Variants in DCAF15 observed in about 807,000 individuals in gnomAD.
The protein encoded by DCAF15 is DDB1- and CUL4-associated factor 15.
A neutral mutation model predicts 68.0 loss-of-function variants in DCAF15; 24 were observed. That is an observed-to-expected ratio of 0.35 (90% confidence interval 0.26 to 0.50). The LOEUF (loss-of-function observed/expected upper bound fraction) is 0.50, where lower values mean the gene tolerates loss of function less well. Ranked by LOEUF, DCAF15 falls within the 20% of genes least tolerant of loss-of-function variation. The pLI is 0.98. For synonymous variants in DCAF15, 376 were observed against 341.6 expected (o/e 1.10, Z -1.11); for missense variants, 627 against 830.6 (o/e 0.75, Z 3.01).
intron 12 of DCAF15, 36 bp downstream of exon 12, chr19:13,960,616 C>G: frequency 6.6e-7 from 1 of 1,524,094 alleles, no homozygotes; most frequent in Non-Finnish European, 8.9e-7. Context: ...TCAGGGTCAC[C>G]AGGAACACTT....
Position 13,959,801 on chromosome 19 carries a change from AC to A in DCAF15, c.1347del (p.Phe450SerfsTer84). ...QYLTVEQLTL[D>X]FEYVINEVIR... ...CTGACAGTGGAGCAGCTCACACTAG[AC>A]TTCGAATATGTTATCAATGAGGTCA... is the stretch of plus-strand genomic sequence containing the variant. On this transcript the variant is annotated frameshift_variant, in exon 9 of 13. Coordinates refer to ENST00000254337, the MANE Select transcript of DCAF15 (RefSeq NM_138353.4). LOFTEE classifies it high-confidence loss of function. 6.2e-7 allele frequency: 1 copy of A among 1,610,546 alleles called. No homozygotes were observed.
At chr19:13,953,423 C>T (rs1973183893) in intron 1 of DCAF15, 1 of 334,032 alleles carries the variant, frequency 3.0e-6, no homozygotes, top group Non-Finnish European at 5.5e-6. Flanking sequence ...CTGGGAGCTC[C>T]CTGGGCTGGG....
chr19:13,960,894 C>T (rs1348130682), intron 12 of DCAF15, 46 bp from the exon 13 acceptor site: 1 of 1,612,566 alleles, frequency 6.2e-7, no homozygotes, highest in Admixed American at 1.7e-5. Context: ...GGCCGCAGGG[C>T]CAGGCAGGCA....
intron 6 of DCAF15, 116 bp from the exon 7 acceptor site, chr19:13,958,929 A>G: frequency 7.7e-7 from 1 of 1,305,504 alleles, no homozygotes; most frequent in Non-Finnish European, 1.1e-6. Context: ...TGATCTCAGC[A>G]TAGCCAAGTC....
chr19:13,960,897 G>A (rs2145509292), intron 12 of DCAF15, 43 bp from the exon 13 acceptor site: 4 of 1,613,242 alleles, frequency 2.5e-6, no homozygotes, highest in Non-Finnish European at 3.4e-6. Context: ...CGCAGGGCCA[G>A]GCAGGCAGGG....
rs1181175968 is a variant in DCAF15, at chr19:13,961,421, G to T, written c.*426G>T. ...CCATCCCCATTCCGTTCTTCTTCAT[G>T]TAATAAATGTTTTAATTTCTGAACC... is the stretch of plus-strand genomic sequence containing the variant. On this transcript the variant is annotated 3_prime_UTR_variant, in exon 13 of 13. Transcript: ENST00000254337. 1 of 193,056 alleles carries T rather than the reference G, an allele frequency of 5.2e-6. No homozygotes were observed. The highest frequency in any genetic ancestry group is 1.1e-5 in the Non-Finnish European group (1 of 93,020). The allele number at this position is 193,056 out of a possible 1,614,324, so 12.0% of individuals were successfully genotyped here.
rs1421711024 is a variant in DCAF15 at position 13,955,954 on chromosome 19, G to A, written c.409G>A (p.Asp137Asn). 4.3e-6 allele frequency: 7 copies of A among 1,613,724 alleles called. No individual in the cohort carries two copies. Among genetic ancestry groups the A allele is most frequent in the Non-Finnish European group, 5.9e-6 (7 of 1,180,022 alleles). ...ATTCCAGGACGAGGAGATCTACAGC[G>A]ACCTGTACCTGACCGTATGCGAGTG... is the stretch of plus-strand genomic sequence containing the variant. ...RLFQDEEIYS[D>N]LYLTVCEWPS... The change falls in exon 4 of 13, where the codon GAC (aspartate) becomes AAC (asparagine). Residue 137 changes from aspartate (D) to asparagine (N), a missense_variant. By Grantham distance (23) the Asp-to-Asn change is conservative. Transcript: ENST00000254337.
chr19:13,960,244 C>T, intron 10 of DCAF15, 43 bp from the exon 11 acceptor site: 1 of 1,597,818 alleles, frequency 6.3e-7, no homozygotes, highest in South Asian at 1.1e-5. Context: ...GGTTCAGGAG[C>T]CCGGCTGTCC....
Position 13,959,247 on chromosome 19 carries a change from C to T in DCAF15, c.987C>T (p.Arg329=). 3.7e-6 allele frequency: 6 copies of T among 1,612,660 alleles called. No individual in the cohort carries two copies. The highest frequency in any genetic ancestry group is 5.1e-6 in the Non-Finnish European group (6 of 1,179,920). Residue 329 remains arginine, a synonymous_variant, in exon 7 of 13, where the codon CGC becomes CGT. Transcript: ENST00000254337. The stretch of plus-strand genomic sequence containing the variant: ...AGGAGTTTGTGGCTGACATCTTCCG[C>T]CGGGCCAAAGAGGCCAAGGGCGGGG... The part of the protein sequence containing the change: ...KAKEFVADIF[R]RAKEAKGGVP...
chr19:13,959,517 G>GCAT (rs777706438), intron 7 of DCAF15, 38 bp downstream of exon 7: 1 of 1,610,516 alleles, frequency 6.2e-7, no homozygotes, highest in South Asian at 1.1e-5. Context: ...GCCTGGGATG[G>GCAT]AGAGGCCAGC....
At chr19:13,956,298 C>CT (rs1973360502) in intron 5 of DCAF15, 36 bp downstream of exon 5, 1 of 1,611,496 alleles carries the variant, frequency 6.2e-7, no homozygotes, top group Non-Finnish European at 8.5e-7. Context: ...CTCTTCCCCC[C>CT]TCCCCCCCTT....
chr19:13,961,322 T>C lies in DCAF15; in HGVS notation c.*327T>C. On this transcript the variant is annotated 3_prime_UTR_variant, in exon 13 of 13. Coordinates refer to ENST00000254337, the MANE Select transcript of DCAF15 (RefSeq NM_138353.4). The stretch of plus-strand genomic sequence containing the variant: ...TCGGCTACAGCTGTGGACGTTGCCC[T>C]CGGGGAGGTCGAATGGACCCCATTC... The C allele has an allele frequency of 5.0e-6, 2 of 401,248 alleles. No individual in the cohort carries two copies. Among genetic ancestry groups the C allele is most frequent in the South Asian group, 5.6e-5 (2 of 35,960 alleles). 24.9% of individuals were successfully genotyped at this position (401,248 alleles called of 1,614,324 possible).
At chr19:13,953,156 T>G in intron 1 of DCAF15, 1 of 1,542,954 alleles carries the variant, frequency 6.5e-7, no homozygotes. Context: ...GGGAGCTCCC[T>G]GGATAGGGCT....
At chr19:13,960,442 C>T in intron 11 of DCAF15, 23 bp from the exon 12 acceptor site, 1 of 1,611,718 alleles carries the variant, frequency 6.2e-7, no homozygotes, top group Non-Finnish European at 8.5e-7. Context: ...GCGACGAGAG[C>T]CACTCACCCC....
intron 1 of DCAF15, chr19:13,953,052 C>G (rs1442155089): frequency 1.3e-6 from 2 of 1,536,276 alleles, no homozygotes; most frequent in African/African-American, 2.8e-5. Context: ...TGGCTTTGGG[C>G]TTCCTCCGCC....
In DCAF15 at chr19:13,960,987, G is replaced by A. The variant is rs1207639078; in HGVS notation, c.1795G>A (p.Val599Met). The A allele has an allele frequency of 3.7e-6, 6 of 1,613,754 alleles. No individual in the cohort carries two copies. The highest frequency in any genetic ancestry group is 1.3e-5 in the African/African-American group (1 of 74,942). ...LADSERYTWI[V>M]L ...GGACAGCGAGCGATATACGTGGATC[G>A]TGCTGTGAGGGCCAGGCCGCCCCGG... The change falls in exon 13 of 13, where the codon GTG becomes ATG. Residue 599 changes from valine to methionine, a missense_variant. Around this residue, in one of 3 missense-constraint regions of DCAF15, gnomAD observed 118 missense variants for 211.8 expected, o/e 0.56. Transcript: ENST00000254337.
intron 3 of DCAF15, among the ~76,000 whole-genome samples, chr19:13,955,660 T>G (rs1416027721): frequency 6.6e-6 from 1 of 152,152 alleles, no homozygotes. Flanking sequence ...TAGGCTGGGC[T>G]TGGAACCAGT....
At chr19:13,960,182 C>T in intron 10 of DCAF15, 105 bp from the exon 11 acceptor site, 7 of 1,563,272 alleles carry the variant, frequency 4.5e-6, no homozygotes, top group Non-Finnish European at 5.3e-6. Context: ...CCTGGCTGGG[C>T]CCCTCCATAG....
chr19:13,957,895 A>AG (rs1270698523), intron 6 of DCAF15, among the ~76,000 whole-genome samples: 1 of 152,176 alleles, frequency 6.6e-6, no homozygotes, highest in African/African-American at 2.4e-5. Context: ...CAAAAAAAAA[A>AG]GACGTTTTAA....
Sources: allele counts gnomAD v4.1 joint callset (sites outside exome capture counted in the v4.1 genomes callset), GRCh38; gene constraint gnomAD v4.1.1; regional missense constraint gnomAD v4.1.1; transcripts MANE v1.5; gene names NCBI Gene and HGNC (gene_info 2026-07-23, HGNC 2026-07-21).